The following ZDHHC20 variants were observed in gnomAD, a reference collection of about 807,000 sequenced individuals.
ZDHHC20 encodes zDHHC palmitoyltransferase 20, also known as palmitoyltransferase ZDHHC20.
ZDHHC20 carries 43 observed loss-of-function variants against 57.8 expected under a neutral mutation model. That is an observed-to-expected ratio of 0.74 (90% CI 0.58 to 0.96). The LOEUF is 0.96. ZDHHC20 is among the 40% of genes least tolerant of loss of function. The pLI, the probability that ZDHHC20 is intolerant of heterozygous loss-of-function variation, is 0.00. For missense variants in ZDHHC20, 391 were observed against 441.1 expected, an observed-to-expected ratio of 0.89 and a Z score of 1.02; for synonymous variants, 157 against 153.0, an observed-to-expected ratio of 1.03 and a Z score of -0.19.
chr13:21,449,237 A>C (rs1884200505), intron 1 of ZDHHC20, among the ~76,000 whole-genome samples: 1 of 152,174 alleles, frequency 6.6e-6, no homozygotes, highest in Admixed American at 6.6e-5. Context: ...TAAAAAAAAT[A>C]AATAAATAAA....
intron 1 of ZDHHC20, among the ~76,000 whole-genome samples, chr13:21,440,192 GTGAA>G (rs142310704): frequency 0.034 from 5,224 of 151,940 alleles, 277 homozygotes; most frequent in African/African-American, 0.11. Context: ...GAGAGAATGA[GTGAA>G]TGAATGAATG....
intron 3 of ZDHHC20, among the ~76,000 whole-genome samples, chr13:21,420,652 GC>G (rs1322998865): frequency 6.6e-5 from 10 of 152,196 alleles, no homozygotes; most frequent in Admixed American, 6.5e-4. Flanking sequence ...GCAAGCAATA[GC>G]CTAGACAATT....
chr13:21,439,771 T>C (rs374138096), intron 1 of ZDHHC20, among the ~76,000 whole-genome samples: 3 of 152,074 alleles, frequency 2.0e-5, no homozygotes, highest in East Asian at 3.9e-4. Context: ...ACTCTGGTTA[T>C]ATAATATTCT....
intron 4 of ZDHHC20, among the ~76,000 whole-genome samples, chr13:21,407,002 T>A (rs760001253): frequency 1.4e-4 from 21 of 152,112 alleles, no homozygotes; most frequent in Non-Finnish European, 2.6e-4. Context: ...CCACAAACAG[T>A]GTAAAAGTGT....
chr13:21,388,925 T>C (rs1005217487), intron 8 of ZDHHC20, among the ~76,000 whole-genome samples: 2 of 152,034 alleles, frequency 1.3e-5, no homozygotes, highest in Non-Finnish European at 2.9e-5. Context: ...GGATCTAGAA[T>C]GGACATGGGT....
chr13:21,450,550 C>G (rs1239982204), intron 1 of ZDHHC20, among the ~76,000 whole-genome samples: 1 of 151,892 alleles, frequency 6.6e-6, no homozygotes, highest in Non-Finnish European at 1.5e-5. Context: ...AAAATAATAC[C>G]AGGACAGATT....
At chr13:21,448,532 C>T (rs1417203003) in intron 1 of ZDHHC20, among the ~76,000 whole-genome samples, 8 of 93,162 alleles carry the variant, frequency 8.6e-5, no homozygotes, top group East Asian at 7.8e-4. Flanking sequence ...TCTGCCCGGC[C>T]GCCCCTACTG....
At chr13:21,458,859 G>A (rs1021505761) in intron 1 of ZDHHC20, among the ~76,000 whole-genome samples, 195 bp downstream of exon 1, 1 of 152,166 alleles carries the variant, frequency 6.6e-6, no homozygotes, top group Non-Finnish European at 1.5e-5. Context: ...GGAGCCCCAG[G>A]TCGCCCCAAG....
intron 3 of ZDHHC20, among the ~76,000 whole-genome samples, chr13:21,417,340 T>TG (rs1880104846): frequency 6.6e-6 from 1 of 152,150 alleles, no homozygotes; most frequent in South Asian, 2.1e-4. Flanking sequence ...ATCCGGTGGG[T>TG]GGTCAAGAAG....
chr13:21,448,757 T>C (rs9509724), intron 1 of ZDHHC20, among the ~76,000 whole-genome samples: 6,819 of 68,580 alleles, frequency 0.099, 1,029 homozygotes, highest in African/African-American at 0.16. Context: ...ATGACAATGG[T>C]GGCTTTGTGG....
Position 21,379,818 on chromosome 13 carries a change from C to CT in ZDHHC20, c.1061-1081dup, listed in dbSNP as rs1438095425. Among the ~76,000 whole-genome samples the CT allele has an allele frequency of 8.6e-5, 9 of 104,064 alleles. No homozygotes were observed. In the East Asian group the frequency reaches 4.7e-3, roughly 54 times the overall value. The allele number at this position is 104,064 out of a possible 152,430, so 68.3% of individuals were successfully genotyped here. A position where few individuals can be genotyped will look rare whatever the true frequency, so the allele number is the denominator to read the frequency against. ...ATATATTCAGTGTGCTCTTTTTTTT[C>CT]TTTTTTCTTTTTTTTTGAGATGGAA... On this transcript the variant is annotated intron_variant, in intron 11 of 12. Transcript: ENST00000400590.
chr13:21,450,190 C>G (rs1364648961), intron 1 of ZDHHC20, among the ~76,000 whole-genome samples: 1 of 152,058 alleles, frequency 6.6e-6, no homozygotes, highest in East Asian at 1.9e-4. Flanking sequence ...GTTTTGTCTA[C>G]AATGCCTATT....
At chr13:21,389,686 C>G (rs1323846614) in intron 8 of ZDHHC20, among the ~76,000 whole-genome samples, 1 of 152,154 alleles carries the variant, frequency 6.6e-6, no homozygotes. Context: ...CTGGCAAGAC[C>G]TGCAGCAAAT....
chr13:21,428,759 A>T (rs9580118), intron 1 of ZDHHC20, among the ~76,000 whole-genome samples: 24,104 of 151,580 alleles, frequency 0.16, 2,598 homozygotes, highest in Non-Finnish European at 0.25. Context: ...ACTCAGGAGG[A>T]TGAGGCAGGA....
intron 1 of ZDHHC20, among the ~76,000 whole-genome samples, chr13:21,440,664 C>A (rs1275604693): frequency 9.1e-6 from 1 of 110,074 alleles, no homozygotes; most frequent in African/African-American, 2.9e-5. Context: ...ATATATATGA[C>A]AAAAGAAAGA....
At chr13:21,458,963 C>A in intron 1 of ZDHHC20, 91 bp downstream of exon 1, 1 of 981,780 alleles carries the variant, frequency 1.0e-6, no homozygotes, top group Non-Finnish European at 1.4e-6. Flanking sequence ...GGCGCTGGCT[C>A]CAGAAAGGCG....
intron 1 of ZDHHC20, among the ~76,000 whole-genome samples, chr13:21,454,916 T>G (rs9316397): frequency 0.17 from 24,770 of 146,572 alleles, 2,339 homozygotes; most frequent in Non-Finnish European, 0.23. Context: ...TTTGTTTGTT[T>G]GTTGGTTTGT....
Position 21,374,217 on chromosome 13 carries a change from T to TA in ZDHHC20, c.*2478_*2479insT, listed in dbSNP as rs1871649718. 1 of 189,112 alleles carries TA rather than the reference T, an allele frequency of 5.3e-6. No homozygotes were observed. The highest frequency in any genetic ancestry group is 2.3e-5 in the African/African-American group (1 of 43,594). 11.7% of individuals were successfully genotyped at this position (189,112 alleles called of 1,614,324 possible). A position where few individuals can be genotyped will look rare whatever the true frequency, so the allele number is the denominator to read the frequency against. ...GCCAAACTGGAGTTATGTTTTTAGT[T>TA]GGTAATTGATATATATATATATTTT... On this transcript the variant is annotated 3_prime_UTR_variant, in exon 13 of 13. Coordinates refer to ENST00000400590, the MANE Select transcript of ZDHHC20 (RefSeq NM_001330059.2).
chr13:21,387,736 T>C (rs1393885242), intron 8 of ZDHHC20, 102 bp from the exon 9 acceptor site: 2 of 599,134 alleles, frequency 3.3e-6, no homozygotes, highest in Non-Finnish European at 5.0e-6. Flanking sequence ...ACACAAAAAC[T>C]GTAAATATAA....
Sources: gnomAD v4.1 joint callset for allele counts (sites outside exome capture counted in the v4.1 genomes callset) on GRCh38, gnomAD v4.1.1 for gene constraint, MANE v1.5 for transcripts, NCBI Gene and HGNC (gene_info 2026-07-23, HGNC 2026-07-21) for gene names.